Variants in DNM3 observed in about 807,000 individuals in gnomAD.
DNM3 encodes dynamin-3.
In DNM3, 47 loss-of-function variants were observed where a neutral mutation model predicts 101.6. The observed-to-expected ratio is 0.46, with a 90% CI of 0.37 to 0.59. DNM3 has a LOEUF of 0.59. Ranked by LOEUF, DNM3 falls within the 20% of genes least tolerant of loss-of-function variation. The pLI is 0.00. For missense variants in DNM3, 849 were observed against 1,085.7 expected, an observed-to-expected ratio of 0.78 and a Z score of 3.06; for synonymous variants, 385 against 387.9, an observed-to-expected ratio of 0.99 and a Z score of 0.09.
At chr1:172,058,719 A>G (rs2050868850) in intron 10 of DNM3, among the ~76,000 whole-genome samples, 1 of 151,942 alleles carries the variant, frequency 6.6e-6, no homozygotes, top group East Asian at 2.0e-4. Flanking sequence ...AATTTATAGC[A>G]CTAAATGCCC....
In DNM3 at chr1:171,907,765, A is replaced by G. The variant is rs74674626; in HGVS notation, c.162-13983A>G. On this transcript the variant is annotated intron_variant, in intron 1 of 20. Transcript: ENST00000627582. ...ACAATGAGGCTTACTTTGATCCACTATTTAAAACTGTAACTCCAGTGGGAC... is the reference window on the plus strand; with the variant it reads ...ACAATGAGGCTTACTTTGATCCACTGTTTAAAACTGTAACTCCAGTGGGAC... Among the ~76,000 whole-genome samples the G allele has an allele frequency of 1.9e-4, 29 of 152,276 alleles. No individual in the cohort carries two copies. In the East Asian group the frequency reaches 5.4e-3, roughly 28 times the overall value.
intron 17 of DNM3, among the ~76,000 whole-genome samples, chr1:172,373,190 C>A (rs7518039): frequency 0.72 from 109,309 of 151,884 alleles, 42,635 homozygotes; most frequent in East Asian, 0.88. Context: ...ATTTGAGGGA[C>A]AATGTAAATA....
At chr1:172,353,281 G>C (rs192943678) in intron 17 of DNM3, among the ~76,000 whole-genome samples, 161 of 152,252 alleles carry the variant, frequency 1.1e-3, no homozygotes, top group African/African-American at 3.7e-3. Context: ...AGATTTGACT[G>C]TTACTGGTTT....
chr1:171,989,321 T>A (rs1009006461), intron 4 of DNM3, among the ~76,000 whole-genome samples, 173 bp downstream of exon 4: 1 of 151,486 alleles, frequency 6.6e-6, no homozygotes, highest in African/African-American at 2.4e-5. Context: ...TATTAAAAAA[T>A]AATAAATAAT....
chr1:172,238,739 G>A (rs904623604), intron 14 of DNM3, among the ~76,000 whole-genome samples: 1 of 151,874 alleles, frequency 6.6e-6, no homozygotes, highest in East Asian at 1.9e-4. Context: ...CTAGAAACTA[G>A]GCAGCAGCAA....
intron 10 of DNM3, among the ~76,000 whole-genome samples, chr1:172,051,583 C>A (rs966822732): frequency 6.6e-6 from 1 of 152,138 alleles, no homozygotes; most frequent in African/African-American, 2.4e-5. Flanking sequence ...ATGCTGATCA[C>A]CCCCTTCATC....
chr1:171,953,439 TC>T (rs2042658438), intron 2 of DNM3, among the ~76,000 whole-genome samples: 1 of 150,262 alleles, frequency 6.7e-6, no homozygotes, highest in Non-Finnish European at 1.5e-5. Context: ...TTTTTTTTTT[TC>T]CTCCCAAGAT....
chr1:172,175,723 A>G (rs2059132943), intron 14 of DNM3, among the ~76,000 whole-genome samples: 1 of 151,822 alleles, frequency 6.6e-6, no homozygotes, highest in African/African-American at 2.4e-5. Flanking sequence ...ACACGATCAA[A>G]TGTTGAAAGA....
In DNM3 at chr1:172,253,700, T is replaced by C. The variant is rs2062279784; in HGVS notation, c.1769+18T>C. 1.3e-6 allele frequency: 2 copies of C among 1,498,846 alleles called. No individual in the cohort carries two copies. The highest frequency in any genetic ancestry group is 1.4e-5 in the African/African-American group (1 of 71,314). 92.8% of individuals were successfully genotyped at this position (1,498,846 alleles called of 1,614,324 possible). ...GAGCAAAGGTAAGAAATTGAAACAG[T>C]TCCTGTCTTCAGATTTTTTTCCTTG... On this transcript the variant is annotated intron_variant, in intron 15 of 20. Transcript: ENST00000627582.
At chr1:172,349,736 C>T (rs2067112032) in intron 17 of DNM3, among the ~76,000 whole-genome samples, 1 of 152,130 alleles carries the variant, frequency 6.6e-6, no homozygotes, top group Non-Finnish European at 1.5e-5. Flanking sequence ...AGACAATGTT[C>T]ACTAAGCTTC....
At chr1:172,354,384 A>T (rs1221091381) in intron 17 of DNM3, among the ~76,000 whole-genome samples, 3 of 152,080 alleles carry the variant, frequency 2.0e-5, no homozygotes, top group Non-Finnish European at 4.4e-5. Context: ...TATCACACAG[A>T]AATAGGAGAG....
chr1:172,038,361 A>C lies in DNM3; in HGVS notation c.892A>C (p.Asn298His), dbSNP rs775698504. 6.2e-7 allele frequency: 1 copy of C among 1,613,444 alleles called. No individual in the cohort carries two copies. Among genetic ancestry groups the C allele is most frequent in the Non-Finnish European group, 8.5e-7 (1 of 1,179,578 alleles). ...TCGGGATACCCTACCAAACTTCAGG[A>C]ACAAACTACAGGGACAGTTGCTCTC... ...HIRDTLPNFR[N>H]KLQGQLLSIE... Residue 298 changes from asparagine (N) to histidine (H), a missense_variant, in exon 7 of 21, where the codon AAC (asparagine) becomes CAC (histidine). Coordinates refer to ENST00000627582, the MANE Select transcript of DNM3 (RefSeq NM_015569.5).
chr1:172,068,741 T>G, intron 10 of DNM3, 78 bp from the exon 11 acceptor site: 1 of 1,260,594 alleles, frequency 7.9e-7, no homozygotes, highest in Admixed American at 2.0e-5. Context: ...TTCTGTAAAA[T>G]AACATAATTT....
intron 5 of DNM3, 26 bp downstream of exon 5, chr1:172,032,526 C>CTTTT (rs750270768): frequency 6.4e-5 from 23 of 360,790 alleles, no homozygotes; most frequent in South Asian, 1.7e-4. Flanking sequence ...CTATACAAGA[C>CTTTT]TTTTTTTTTT....
At chr1:171,940,166 T>G (rs975549801) in intron 2 of DNM3, among the ~76,000 whole-genome samples, 1 of 152,192 alleles carries the variant, frequency 6.6e-6, no homozygotes, top group Non-Finnish European at 1.5e-5. Context: ...ACTCTAGGTG[T>G]TTATTTTTCA....
At chr1:171,972,100 C>A (rs2044035571) in intron 2 of DNM3, among the ~76,000 whole-genome samples, 1 of 152,190 alleles carries the variant, frequency 6.6e-6, no homozygotes, top group African/African-American at 2.4e-5. Flanking sequence ...TTCTTGTAAT[C>A]ATTTCTGTAT....
At chr1:171,954,516 A>G (rs1364571139) in intron 2 of DNM3, among the ~76,000 whole-genome samples, 1 of 152,190 alleles carries the variant, frequency 6.6e-6, no homozygotes, top group African/African-American at 2.4e-5. Context: ...AAAATGGAAA[A>G]TGAAATCCTC....
chr1:172,062,873 G>A (rs2051351655), intron 10 of DNM3, among the ~76,000 whole-genome samples: 1 of 152,098 alleles, frequency 6.6e-6, no homozygotes, highest in Non-Finnish European at 1.5e-5. Context: ...TAGCAAATGT[G>A]TTGTGCGCAG....
intron 14 of DNM3, among the ~76,000 whole-genome samples, chr1:172,238,622 G>A (rs1443909576): frequency 6.6e-6 from 1 of 152,010 alleles, no homozygotes; most frequent in Non-Finnish European, 1.5e-5. Flanking sequence ...ATCAGAGATC[G>A]GCAGAGGTAA....
Sources: gnomAD v4.1 joint callset for allele counts (sites outside exome capture counted in the v4.1 genomes callset) on GRCh38, gnomAD v4.1.1 for gene constraint, MANE v1.5 for transcripts, NCBI Gene and HGNC (gene_info 2026-07-23, HGNC 2026-07-21) for gene names.